SLAIN1: variants seen among roughly 807,000 people sequenced by gnomAD.
SLAIN1 encodes the protein SLAIN family member 1, also known as SLAIN motif-containing protein 1.
Under a neutral mutation model 55.4 loss-of-function variants are expected in SLAIN1, and 17 were observed. That is an observed-to-expected ratio of 0.31 (90% CI 0.21 to 0.46). SLAIN1 has a LOEUF of 0.46. Among genes scored for constraint, SLAIN1 ranks in the 20% least tolerant of loss-of-function variants. The probability of loss-of-function intolerance (pLI) is 1.00; values close to 1 mark genes in which losing one functional copy is unlikely to be tolerated. For synonymous variants in SLAIN1, 348 were observed against 337.4 expected, an observed-to-expected ratio of 1.03 and a Z score of -0.35; for missense variants, 682 against 785.1, an observed-to-expected ratio of 0.87 and a Z score of 1.57.
intron 2 of SLAIN1, among the ~76,000 whole-genome samples, chr13:77,734,400 A>G (rs1023463649): frequency 5.9e-5 from 9 of 152,200 alleles, no homozygotes; most frequent in African/African-American, 2.2e-4. Flanking sequence ...TAAAGAAAGA[A>G]AAAAGCAGGA....
Position 77,712,699 on chromosome 13 carries a change from G to GA in SLAIN1, c.627-6827dup, listed in dbSNP as rs1438009579. Among the ~76,000 whole-genome samples the GA allele has an allele frequency of 2.6e-5, 4 of 152,174 alleles. No homozygotes were observed. In the East Asian group the frequency reaches 7.7e-4, roughly 29 times the overall value. On this transcript the variant is annotated intron_variant, in intron 1 of 6. Coordinates refer to ENST00000418532, the MANE Select transcript of SLAIN1 (RefSeq NM_001242868.2). The stretch of plus-strand genomic sequence containing the variant: ...ACCATTGACTTTCTTCACATAATTA[G>GA]AAAAAACTATTTCAAATTTCATATG...
At chr13:77,744,228 A>G in intron 2 of SLAIN1, 55 bp from the exon 3 acceptor site, 2 of 1,226,110 alleles carry the variant, frequency 1.6e-6, no homozygotes, top group South Asian at 1.2e-5. Flanking sequence ...ATTGTGAAGC[A>G]TGTATAGATA....
intron 1 of SLAIN1, among the ~76,000 whole-genome samples, chr13:77,707,434 C>T (rs2091101599): frequency 6.6e-6 from 1 of 151,924 alleles, no homozygotes; most frequent in South Asian, 2.1e-4. Flanking sequence ...TTCATCTGTT[C>T]CCTGCATTGT....
chr13:77,757,266 A>T (rs1874672348), intron 5 of SLAIN1, among the ~76,000 whole-genome samples: 1 of 152,116 alleles, frequency 6.6e-6, no homozygotes, highest in South Asian at 2.1e-4. Context: ...AAAACTAGCA[A>T]ATTAAGGCAT....
At chr13:77,707,415 C>G (rs1164458889) in intron 1 of SLAIN1, among the ~76,000 whole-genome samples, 1 of 151,928 alleles carries the variant, frequency 6.6e-6, no homozygotes, top group African/African-American at 2.4e-5. Context: ...TTATATTCGT[C>G]TTGACATTTT....
intron 3 of SLAIN1, among the ~76,000 whole-genome samples, chr13:77,745,726 A>T (rs1030265541): frequency 6.6e-6 from 1 of 152,178 alleles, no homozygotes; most frequent in Non-Finnish European, 1.5e-5. Flanking sequence ...TTTAATAGAT[A>T]CATTTTTAAG....
At chr13:77,742,949 C>A in intron 2 of SLAIN1, 11 of 855,778 alleles carry the variant, frequency 1.3e-5, no homozygotes, top group East Asian at 1.1e-4. Flanking sequence ...TCTTCCCTTT[C>A]TCCTTCTGAC....
chr13:77,720,280 CT>C (rs1478065758), intron 2 of SLAIN1, among the ~76,000 whole-genome samples: 3 of 152,130 alleles, frequency 2.0e-5, no homozygotes, highest in Admixed American at 2.0e-4. Context: ...ATTATGTAGG[CT>C]TTTGGCTTGT....
chr13:77,734,445 C>G (rs1246018558), intron 2 of SLAIN1, among the ~76,000 whole-genome samples: 2 of 152,102 alleles, frequency 1.3e-5, no homozygotes, highest in Non-Finnish European at 2.9e-5. Context: ...TTTTCCAGAA[C>G]TCTGGTAATG....
intron 2 of SLAIN1, among the ~76,000 whole-genome samples, chr13:77,727,516 A>C (rs999101648): frequency 6.6e-6 from 1 of 151,732 alleles, no homozygotes; most frequent in African/African-American, 2.4e-5. Context: ...AAAAAAAAAA[A>C]CAAAAACCCT....
At chr13:77,733,883 A>C (rs1594275300) in intron 2 of SLAIN1, among the ~76,000 whole-genome samples, 1 of 152,162 alleles carries the variant, frequency 6.6e-6, no homozygotes, top group African/African-American at 2.4e-5. Context: ...GCTGCAAGCC[A>C]TATGTTACTG....
Position 77,763,257 on chromosome 13 carries a change from TA to T in SLAIN1, c.*42del. On this transcript the variant is annotated 3_prime_UTR_variant, in exon 7 of 7. Coordinates refer to ENST00000418532, the MANE Select transcript of SLAIN1 (RefSeq NM_001242868.2). ...GTACCCTTGAAAAATGGGAAAGAAG[TA>T]AAAATGAGGGTTGTGTTACCTAGCT... 6.5e-7 allele frequency: 1 copy of T among 1,542,376 alleles called. No homozygotes were observed. Among genetic ancestry groups the T allele is most frequent in the Non-Finnish European group, 9.0e-7 (1 of 1,116,018 alleles).
intron 4 of SLAIN1, among the ~76,000 whole-genome samples, chr13:77,747,432 C>T (rs767534434): frequency 1.2e-4 from 19 of 152,124 alleles, no homozygotes; most frequent in South Asian, 4.1e-4. Flanking sequence ...TATAAATGTG[C>T]GGCATCTCTG....
intron 1 of SLAIN1, among the ~76,000 whole-genome samples, chr13:77,717,846 T>G (rs1025346305): frequency 1.3e-5 from 2 of 152,186 alleles, no homozygotes; most frequent in Admixed American, 6.5e-5. Flanking sequence ...GCAATTTGTC[T>G]TAACAAGATG....
At chr13:77,733,942 C>A (rs1421133260) in intron 2 of SLAIN1, among the ~76,000 whole-genome samples, 1 of 152,176 alleles carries the variant, frequency 6.6e-6, no homozygotes, top group Non-Finnish European at 1.5e-5. Flanking sequence ...CACTTACCTA[C>A]TGTGAACTTA....
At chr13:77,738,953 A>G (rs1169520107) in intron 2 of SLAIN1, among the ~76,000 whole-genome samples, 2 of 152,086 alleles carry the variant, frequency 1.3e-5, no homozygotes, top group Non-Finnish European at 2.9e-5. Context: ...ATGGTTTTCC[A>G]CCGGTTAGTG....
At chr13:77,719,909 A>G (rs568334045) in intron 2 of SLAIN1, among the ~76,000 whole-genome samples, 6 of 152,080 alleles carry the variant, frequency 3.9e-5, no homozygotes, top group Non-Finnish European at 4.4e-5. Flanking sequence ...CAATGTAGGA[A>G]CACACAAATT....
intron 1 of SLAIN1, among the ~76,000 whole-genome samples, chr13:77,718,140 A>G (rs555179630): frequency 6.6e-6 from 1 of 152,120 alleles, no homozygotes. Context: ...ATCCATTGAG[A>G]TCTATATTTT....
chr13:77,726,665 C>T (rs1006301063), intron 2 of SLAIN1, among the ~76,000 whole-genome samples: 1 of 152,050 alleles, frequency 6.6e-6, no homozygotes, highest in African/African-American at 2.4e-5. Context: ...AGCAATCTGC[C>T]CACCTGGCCT....
Sources: allele counts gnomAD v4.1 joint callset (sites outside exome capture counted in the v4.1 genomes callset), GRCh38; gene constraint gnomAD v4.1.1; transcripts MANE v1.5; gene names NCBI Gene and HGNC (gene_info 2026-07-23, HGNC 2026-07-21).